Variants in MTUS1 observed in about 807,000 individuals in gnomAD.
MTUS1 encodes the protein microtubule-associated tumor suppressor 1.
In MTUS1, 109 loss-of-function variants were observed where a neutral mutation model predicts 120.8. That is an observed-to-expected ratio of 0.90 (90% confidence interval 0.77 to 1.06). The LOEUF is 1.06. Ranked by LOEUF, MTUS1 falls within the 50% of genes least tolerant of loss-of-function variation. The probability of loss-of-function intolerance (pLI) is 0.00; values close to 1 mark genes in which losing one functional copy is unlikely to be tolerated. For missense variants in MTUS1, 2,210 were observed against 1,486.3 expected, an observed-to-expected ratio of 1.49 and a Z score of -8.01; for synonymous variants, 737 against 550.5, an observed-to-expected ratio of 1.34 and a Z score of -4.74.
chr8:17,783,468 C>T (rs1158230817), intron 1 of MTUS1, among the ~76,000 whole-genome samples: 1 of 152,098 alleles, frequency 6.6e-6, no homozygotes, highest in Non-Finnish European at 1.5e-5. Context: ...GAAGAGGGAG[C>T]ATACCAGGCC....
At chr8:17,782,879 A>T (rs1209055502) in intron 1 of MTUS1, among the ~76,000 whole-genome samples, 1 of 152,192 alleles carries the variant, frequency 6.6e-6, no homozygotes, top group African/African-American at 2.4e-5. Flanking sequence ...GGAGTTCGGG[A>T]CCAGCCTGGC....
In MTUS1 at chr8:17,722,715, C is replaced by G. The variant is rs2045931918; in HGVS notation, c.2449+957G>C. 4 of 209,582 alleles carry G rather than the reference C, an allele frequency of 1.9e-5. No homozygotes were observed. The Admixed American group carries it at 2.6e-4, about 14-fold the overall frequency. The allele number at this position is 209,582 out of a possible 1,614,324, so 13.0% of individuals were successfully genotyped here. ...TGTGATTTTAGACCAGTGACAACAT[C>G]TCTGAGCCTCAATCACCTTCTATAT... On this transcript the variant is annotated intron_variant, in intron 4 of 14. Coordinates refer to ENST00000693296, the MANE Select transcript of MTUS1 (RefSeq NM_001363059.2).
In MTUS1 at chr8:17,711,741, G is replaced by A. The variant is rs550530089; in HGVS notation, c.2623+1473C>T. Among the ~76,000 whole-genome samples the A allele has an allele frequency of 1.5e-4, 23 of 152,284 alleles. No individual in the cohort carries two copies. In the South Asian group the frequency reaches 4.6e-3, roughly 30 times the overall value. On this transcript the variant is annotated intron_variant, in intron 6 of 14. Transcript: ENST00000693296. ...CTTCTGAATTATCCTGGCTTTCAAT[G>A]TGCCCTCCTCATTAAACTCAATCAT...
In MTUS1 at chr8:17,755,251, G is replaced by C. The variant is rs141609607; in HGVS notation, c.557C>G (p.Thr186Ser). 3,572 of 1,614,090 alleles carry C rather than the reference G, an allele frequency of 2.2e-3. 11 individuals are homozygous for C. The highest frequency in any genetic ancestry group is 2.8e-3 in the Non-Finnish European group (3,293 of 1,179,918). ...HAIGKSQSFH[T>S]AGSLPPTGRR... ...ACCAGTTGGTGGCAGGCTTCCAGCA[G>C]TATGGAAGGACTGACTCTTTCCGAT... is the stretch of plus-strand genomic sequence containing the variant. The change falls in exon 2 of 15, where the codon ACT (threonine) becomes AGT (serine). Residue 186 changes from threonine (T) to serine (S), a missense_variant. Coordinates refer to ENST00000693296, the MANE Select transcript of MTUS1 (RefSeq NM_001363059.2).
rs541935795 is a variant in MTUS1 at position 17,753,679 on chromosome 8, T to C, written c.2091+38A>G. 3.4e-5 allele frequency: 48 copies of C among 1,394,664 alleles called. No homozygotes were observed. The African/African-American group carries it at 6.5e-4, about 19-fold the overall frequency. 86.4% of individuals were successfully genotyped at this position (1,394,664 alleles called of 1,614,324 possible). On this transcript the variant is annotated intron_variant, in intron 2 of 14. Transcript: ENST00000693296. Reference sequence around the variant, plus strand: ...AACACATCTCAGTTTTCTCCACAGTTCTCTGAAGCATGCAAAAAATATATA... The same window carrying C: ...AACACATCTCAGTTTTCTCCACAGTCCTCTGAAGCATGCAAAAAATATATA...
intron 12 of MTUS1, among the ~76,000 whole-genome samples, chr8:17,650,647 T>C (rs544365653): frequency 2.8e-4 from 43 of 152,266 alleles, no homozygotes; most frequent in African/African-American, 9.1e-4. Flanking sequence ...AGGTCAAGGC[T>C]GCAGTGAACT....
chr8:17,695,232 C>T (rs1461873481), intron 6 of MTUS1, among the ~76,000 whole-genome samples: 1 of 152,172 alleles, frequency 6.6e-6, no homozygotes, highest in African/African-American at 2.4e-5. Flanking sequence ...TTTAAAAAGC[C>T]TCCAACACAC....
In MTUS1 at chr8:17,731,724, C is replaced by CA. The variant is rs982233976; in HGVS notation, c.2288-7892dup. On this transcript the variant is annotated intron_variant, in intron 3 of 14. Coordinates refer to ENST00000693296, the MANE Select transcript of MTUS1 (RefSeq NM_001363059.2). ...GCAAAGGAAATGAACAGCAGCAGATCAAAAAAAAATCCTATGCCCCCAAAT... is the reference window on the plus strand; with the variant it reads ...GCAAAGGAAATGAACAGCAGCAGATCAAAAAAAAAATCCTATGCCCCCAAAT... Among the ~76,000 whole-genome samples, 496 of 151,126 alleles carry CA rather than the reference C, an allele frequency of 3.3e-3. 1 individual carries two copies. Among genetic ancestry groups the CA allele is most frequent in the African/African-American group, 0.011 (449 of 41,258 alleles).
chr8:17,777,132 T>A (rs1435492129), intron 1 of MTUS1, among the ~76,000 whole-genome samples: 1 of 152,044 alleles, frequency 6.6e-6, no homozygotes, highest in Admixed American at 6.6e-5. Context: ...CCCCCAGCAT[T>A]TGGATTTGAA....
chr8:17,694,094 G>C (rs79526307), intron 6 of MTUS1, among the ~76,000 whole-genome samples: 2,586 of 152,236 alleles, frequency 0.017, 73 homozygotes, highest in African/African-American at 0.058. Context: ...AATTTTTTGT[G>C]TGTGGTTTTT....
intron 3 of MTUS1, among the ~76,000 whole-genome samples, chr8:17,732,058 G>A (rs2046621562): frequency 2.0e-5 from 3 of 152,218 alleles, no homozygotes; most frequent in Admixed American, 2.0e-4. Flanking sequence ...GGAGGTCCCT[G>A]CCCTGAGATG....
rs1203230433 is a variant in MTUS1, at chr8:17,654,574, T to C, written c.3201A>G (p.Glu1067=). ...AAGCATCCTTGCCTGAAAGGGAGGC[T>C]TCATAGGCCTTCTTTAGCAATTCAA... ...EKLELLKKAY[E]ASLSEIKKGH... The change falls in exon 10 of 15, where the codon GAA becomes GAG. Residue 1067 remains glutamate, a synonymous_variant. Coordinates refer to ENST00000693296, the MANE Select transcript of MTUS1 (RefSeq NM_001363059.2). 1 of 1,611,178 alleles carries C rather than the reference T, an allele frequency of 6.2e-7. No individual in the cohort carries two copies. Among genetic ancestry groups the C allele is most frequent in the Non-Finnish European group, 8.5e-7 (1 of 1,177,372 alleles).
At chr8:17,682,517 C>CA (rs55901871) in intron 7 of MTUS1, among the ~76,000 whole-genome samples, 2 of 114,992 alleles carry the variant, frequency 1.7e-5, no homozygotes, top group Admixed American at 9.2e-5. Flanking sequence ...GACTCCATCC[C>CA]AAAAAAAAAA....
chr8:17,788,180 G>A (rs967782327), intron 1 of MTUS1, among the ~76,000 whole-genome samples: 4 of 152,044 alleles, frequency 2.6e-5, no homozygotes, highest in African/African-American at 7.2e-5. Context: ...TGGTGTGATC[G>A]TTACACCAAT....
intron 2 of MTUS1, chr8:17,748,352 A>AAATT (rs2047928101): frequency 6.6e-6 from 1 of 152,202 alleles, no homozygotes; most frequent in Non-Finnish European, 1.5e-5. Context: ...TTGCTAAATA[A>AAATT]AATTATCTGC....
intron 3 of MTUS1, among the ~76,000 whole-genome samples, chr8:17,729,532 A>G (rs554066396): frequency 3.5e-4 from 53 of 152,332 alleles, no homozygotes; most frequent in African/African-American, 1.2e-3. Context: ...ACACACACAT[A>G]TGCACTGTTT....
chr8:17,786,933 C>G (rs375075047), intron 1 of MTUS1, among the ~76,000 whole-genome samples: 8 of 152,198 alleles, frequency 5.3e-5, no homozygotes, highest in African/African-American at 1.9e-4. Context: ...TTTTGTATCA[C>G]AGCTATACAT....
In MTUS1 at chr8:17,649,938, C is replaced by A. The variant is rs963779800; in HGVS notation, c.3409G>T (p.Glu1137Ter). The A allele has an allele frequency of 1.9e-6, 3 of 1,606,784 alleles. No individual in the cohort carries two copies. The highest frequency in any genetic ancestry group is 2.6e-6 in the Non-Finnish European group (3 of 1,173,588). The change falls in exon 13 of 15, where the codon GAA becomes TAA. Residue 1137 changes from glutamate (E) to a stop codon, truncating the protein, a stop_gained. Coordinates refer to ENST00000693296, the MANE Select transcript of MTUS1 (RefSeq NM_001363059.2). LOFTEE classifies it high-confidence loss of function. ...NLKNPQIMYLEQELESLKAVL... is the reference protein window; with the variant it reads ...NLKNPQIMYL The stretch of plus-strand genomic sequence containing the variant: ...GCTTTCAGGCTTTCTAACTCCTGTT[C>A]TAGATACATGATCTGAGGATTTTTC...
intron 6 of MTUS1, among the ~76,000 whole-genome samples, chr8:17,706,594 A>T (rs1820213600): frequency 6.6e-6 from 1 of 152,222 alleles, no homozygotes; most frequent in African/African-American, 2.4e-5. Context: ...CACGGTATAA[A>T]ATGATATGAA....
Sources: gnomAD v4.1 joint callset for allele counts (sites outside exome capture counted in the v4.1 genomes callset) on GRCh38, gnomAD v4.1.1 for gene constraint, MANE v1.5 for transcripts, NCBI Gene and HGNC (gene_info 2026-07-23, HGNC 2026-07-21) for gene names.